Variants in CLNK observed in about 807,000 individuals in gnomAD.
CLNK encodes the protein cytokine-dependent hematopoietic cell linker.
Under a neutral mutation model 68.6 loss-of-function variants are expected in CLNK, and 74 were observed. That is an observed-to-expected ratio of 1.08 (90% CI 0.89 to 1.31). The LOEUF (loss-of-function observed/expected upper bound fraction) is 1.31, where lower values mean the gene tolerates loss of function less well. Ranked by LOEUF, CLNK falls within the 50% of genes most tolerant of loss-of-function variation. CLNK has a pLI of 0.00. For missense variants in CLNK, 553 were observed against 515.3 expected (o/e 1.07, Z -0.71); for synonymous variants, 198 against 172.2 (o/e 1.15, Z -1.17).
chr4:10,543,888 C>A (rs1719128257), intron 8 of CLNK, among the ~76,000 whole-genome samples: 1 of 152,066 alleles, frequency 6.6e-6, no homozygotes, highest in Admixed American at 6.5e-5. Flanking sequence ...AAAATATGAC[C>A]CAGGATCTAC....
rs373103868 is a variant in CLNK, at chr4:10,667,882, C to A, written c.-13G>T. Reference sequence around the variant, plus strand: ...ACTGCCTGTTCATAGTTCTTGGCACCTGGCGGGTAAGAGGGATCTTCAATT... The same window carrying A: ...ACTGCCTGTTCATAGTTCTTGGCACATGGCGGGTAAGAGGGATCTTCAATT... On this transcript the variant is annotated 5_prime_UTR_variant, in exon 2 of 19. It adds an upstream start codon to the 5' untranslated region. Transcript: ENST00000226951. The A allele has an allele frequency of 3.0e-6, 4 of 1,342,590 alleles. No individual in the cohort carries two copies. Among genetic ancestry groups the A allele is most frequent in the South Asian group, 1.4e-5 (1 of 71,536 alleles). 83.2% of individuals were successfully genotyped at this position (1,342,590 alleles called of 1,614,324 possible). A position where few individuals can be genotyped will look rare whatever the true frequency, so the allele number is the denominator to read the frequency against.
rs1553849885 is a variant in CLNK at position 10,551,432 on chromosome 4, T to TA, written c.445+6974_445+6975insT. ...GCTAATTTTTTTGTATATATATATA[T>TA]TTTTTTTTAGTAGAGTTGGGGTTTT... On this transcript the variant is annotated intron_variant, in intron 8 of 18. Coordinates refer to ENST00000226951, the MANE Select transcript of CLNK (RefSeq NM_052964.4). 7.0e-3 allele frequency among the ~76,000 whole-genome samples: 404 copies of TA among 57,348 alleles called. 1 individual carries two copies. The highest frequency in any genetic ancestry group is 0.015 in the East Asian group (27 of 1,784). 37.6% of individuals were successfully genotyped at this position (57,348 alleles called of 152,430 possible).
intron 18 of CLNK, among the ~76,000 whole-genome samples, chr4:10,498,154 C>T (rs909622509): frequency 1.4e-4 from 21 of 151,610 alleles, no homozygotes; most frequent in African/African-American, 5.1e-4. Context: ...AAGATCACGC[C>T]ATTGCATTCC....
chr4:10,726,410 T>C, the CLNK span, among the ~76,000 whole-genome samples: 1 of 152,194 alleles, frequency 6.6e-6, no homozygotes, highest in Non-Finnish European at 1.5e-5. Context: ...TGAGCCACCA[T>C]GCCTGGCCCT....
At chr4:10,558,574 T>G in intron 7 of CLNK, 122 bp from the exon 8 acceptor site, 1 of 839,440 alleles carries the variant, frequency 1.2e-6, no homozygotes, top group East Asian at 2.5e-5. Context: ...GCTCTCTGGT[T>G]TTCAATGTAT....
At chr4:10,628,989 A>G (rs763007665) in intron 2 of CLNK, among the ~76,000 whole-genome samples, 4 of 152,190 alleles carry the variant, frequency 2.6e-5, no homozygotes, top group Non-Finnish European at 4.4e-5. Flanking sequence ...CTTGTCCCAG[A>G]TAATTGCCTG....
Position 10,508,076 on chromosome 4 carries a change from G to T in CLNK, c.907-40C>A, listed in dbSNP as rs750299158. 1.1e-5 allele frequency: 16 copies of T among 1,437,396 alleles called. No individual in the cohort carries two copies. In the South Asian group the frequency reaches 1.9e-4, roughly 17 times the overall value. The allele number at this position is 1,437,396 out of a possible 1,614,324, so 89.0% of individuals were successfully genotyped here. On this transcript the variant is annotated intron_variant, in intron 16 of 18. Coordinates refer to ENST00000226951, the MANE Select transcript of CLNK (RefSeq NM_052964.4). ...CAATGATAAATATTTTAGGGTCAAT[G>T]GGAAGTATGAATTATTGATTAATTA...
chr4:10,689,435 C>CT (rs1315310993), upstream of CLNK, among the ~76,000 whole-genome samples: 1 of 152,114 alleles, frequency 6.6e-6, no homozygotes. Flanking sequence ...ACACCCTGTC[C>CT]TTTTTTGAAA....
At chr4:10,600,773 A>G (rs1721563248) in intron 2 of CLNK, among the ~76,000 whole-genome samples, 1 of 152,222 alleles carries the variant, frequency 6.6e-6, no homozygotes, top group Non-Finnish European at 1.5e-5. Context: ...CTCTGATACC[A>G]GGGGAGTTCT....
At chr4:10,733,061 C>T in the CLNK span, among the ~76,000 whole-genome samples, 223 of 152,194 alleles carry the variant, frequency 1.5e-3, no homozygotes, top group African/African-American at 4.8e-3. Context: ...GAAAATAATC[C>T]ACCAGCAATT....
chr4:10,540,418 G>A, intron 11 of CLNK, 76 bp downstream of exon 11: 1 of 1,101,082 alleles, frequency 9.1e-7, no homozygotes, highest in Non-Finnish European at 1.4e-6. Flanking sequence ...AAGGTACTTT[G>A]TTTGGTTTCC....
chr4:10,728,660 T>C, the CLNK span, among the ~76,000 whole-genome samples: 9 of 149,724 alleles, frequency 6.0e-5, no homozygotes, highest in South Asian at 8.5e-4. Context: ...CTGGAGTGCA[T>C]TGGCGCCATC....
the CLNK span, among the ~76,000 whole-genome samples, chr4:10,727,306 T>C: frequency 6.6e-6 from 1 of 152,202 alleles, no homozygotes; most frequent in Non-Finnish European, 1.5e-5. Context: ...GGGCTCATAC[T>C]GAAGGTCAGC....
At chr4:10,699,512 ATTTT>A in the CLNK span, among the ~76,000 whole-genome samples, 4 of 32,764 alleles carry the variant, frequency 1.2e-4, no homozygotes, top group East Asian at 2.7e-3. Flanking sequence ...ATATATATAT[ATTTT>A]TTTTTTTTTT....
intron 12 of CLNK, chr4:10,531,843 G>T: frequency 2.2e-6 from 1 of 462,662 alleles, no homozygotes; most frequent in Non-Finnish European, 4.3e-6. Flanking sequence ...TCCTACCCAG[G>T]TCTTGTGCAA....
intron 2 of CLNK, among the ~76,000 whole-genome samples, chr4:10,599,124 G>C (rs1200284628): frequency 6.6e-6 from 1 of 152,114 alleles, no homozygotes; most frequent in South Asian, 2.1e-4. Flanking sequence ...CTGGTAACTT[G>C]TGTTCACATC....
the CLNK span, among the ~76,000 whole-genome samples, chr4:10,709,938 CAG>C: frequency 1.3e-5 from 2 of 152,152 alleles, no homozygotes; most frequent in South Asian, 4.1e-4. Flanking sequence ...CTCAAACCAG[CAG>C]AGTTTGGACC....
chr4:10,580,006 C>T (rs1720716745), intron 4 of CLNK, among the ~76,000 whole-genome samples: 1 of 152,160 alleles, frequency 6.6e-6, no homozygotes, highest in Admixed American at 6.5e-5. Context: ...GTTCAAATCC[C>T]CCTCCATCTC....
chr4:10,699,243 T>TATGTGTGTATACACAC, the CLNK span, among the ~76,000 whole-genome samples: 2 of 54,776 alleles, frequency 3.7e-5, no homozygotes, highest in African/African-American at 1.4e-4. Flanking sequence ...TACACACACA[T>TATGTGTGTATACACAC]ACACACCACG....
Sources: allele counts gnomAD v4.1 joint callset (sites outside exome capture counted in the v4.1 genomes callset), GRCh38; gene constraint gnomAD v4.1.1; transcripts MANE v1.5; gene names NCBI Gene and HGNC (gene_info 2026-07-23, HGNC 2026-07-21).